Variants in ADGRF1 observed in about 807,000 individuals in gnomAD.
ADGRF1 encodes the protein adhesion G protein-coupled receptor F1.
ADGRF1 carries 85 observed loss-of-function variants against 87.2 expected under a neutral mutation model. The observed-to-expected ratio is 0.97, with a 90% CI of 0.82 to 1.17. The LOEUF (loss-of-function observed/expected upper bound fraction) is 1.17. Among genes scored for constraint, ADGRF1 ranks in the 50% most tolerant of loss-of-function variants. ADGRF1 has a pLI of 0.00. For missense variants in ADGRF1, 1,169 were observed against 1,077.2 expected (o/e 1.09, Z -1.19); for synonymous variants, 430 against 408.8 (o/e 1.05, Z -0.63).
chr6:47,026,048 G>C (rs1780222746), intron 3 of ADGRF1, 45 bp from the exon 4 acceptor site: 1 of 1,492,950 alleles, frequency 6.7e-7, no homozygotes, highest in Non-Finnish European at 9.0e-7. Context: ...CTGTCCTTGG[G>C]GAAAATATTG....
Position 47,010,065 on chromosome 6 carries a change from G to C in ADGRF1, c.1370C>G (p.Ser457Cys). The C allele has an allele frequency of 6.2e-7, 1 of 1,614,148 alleles. No homozygotes were observed. The highest frequency in any genetic ancestry group is 8.5e-7 in the Non-Finnish European group (1 of 1,180,024). The change falls in exon 11 of 15, where the codon TCT becomes TGT. Residue 457 changes from serine (S) to cysteine (C), a missense_variant. Coordinates refer to ENST00000371253, the MANE Select transcript of ADGRF1 (RefSeq NM_153840.4). ...TAACACACGGCCTCTGATGGGAATA[G>C]ATGTATTTTGGGGACACATTTTAAT... ...YQIKMCPQNT[S>C]IPIRGRVLIG...
chr6:47,041,909 G>T (rs1410505981), intron 1 of ADGRF1, among the ~76,000 whole-genome samples: 1 of 152,140 alleles, frequency 6.6e-6, no homozygotes, highest in East Asian at 1.9e-4. Flanking sequence ...AGAACAATGG[G>T]GTTCCTGTGT....
intron 8 of ADGRF1, among the ~76,000 whole-genome samples, chr6:47,015,860 A>C (rs1779859604): frequency 1.3e-5 from 2 of 151,770 alleles, no homozygotes; most frequent in South Asian, 4.2e-4. Flanking sequence ...GGCCTCCCAA[A>C]GTTTTGGGAT....
chr6:47,022,690 G>A (rs1024365849), intron 5 of ADGRF1, among the ~76,000 whole-genome samples: 4 of 151,956 alleles, frequency 2.6e-5, no homozygotes, highest in African/African-American at 9.7e-5. Flanking sequence ...ACATCTCCAC[G>A]GTACTGTGGG....
chr6:47,022,804 C>CTTTTTTTTTTTTTTTTTTTTTTTT (rs11286179), intron 5 of ADGRF1, among the ~76,000 whole-genome samples: 1 of 119,278 alleles, frequency 8.4e-6, no homozygotes, highest in Non-Finnish European at 1.7e-5. Flanking sequence ...TTTCTTTTTT[C>CTTTTTTTTTTTTTTTTTTTTTTTT]TTTTTTTTTT....
chr6:47,016,705 T>C lies in ADGRF1; in HGVS notation c.675A>G (p.Ser225=), dbSNP rs375012096. Residue 225 remains serine (S), a synonymous_variant, in exon 8 of 15, where the codon TCA becomes TCG. Coordinates refer to ENST00000371253, the MANE Select transcript of ADGRF1 (RefSeq NM_153840.4). ...CCTTCTCGGCAACATGTTCAATGGC[T>C]GACAGCAGTTCAGATGCACTGCTGG... ...VGSSSASELL[S]AIEHVAEKAK... 6 of 1,612,710 alleles carry C rather than the reference T, an allele frequency of 3.7e-6. No individual in the cohort carries two copies. The highest frequency in any genetic ancestry group is 5.1e-6 in the Non-Finnish European group (6 of 1,178,882).
chr6:47,032,159 G>A (rs547030718), intron 1 of ADGRF1, among the ~76,000 whole-genome samples: 65 of 152,072 alleles, frequency 4.3e-4, no homozygotes, highest in African/African-American at 1.4e-3. Flanking sequence ...CCTCCACTCC[G>A]CCCCCTCCTC....
At position 47,024,112 on chromosome 6, in the gene ADGRF1, C is replaced by A; in HGVS notation, c.383G>T (p.Gly128Val). The A allele has an allele frequency of 6.2e-7, 1 of 1,614,078 alleles. No homozygotes were observed. The highest frequency in any genetic ancestry group is 8.5e-7 in the Non-Finnish European group (1 of 1,179,992). Residue 128 changes from glycine to valine, a missense_variant, in exon 5 of 15, where the codon GGA becomes GTA. By Grantham distance (109) the Gly-to-Val change is moderately radical. Transcript: ENST00000371253. ...DPQNCYLHTA[G>V]ALPSCECHLN... ...ATGACATTCACAGCTTGGGAGTGCT[C>A]CAGCCGTGTGAAGGTAGCAGTTCTG...
At chr6:47,016,036 C>A (rs1460630488) in intron 8 of ADGRF1, among the ~76,000 whole-genome samples, 2 of 152,076 alleles carry the variant, frequency 1.3e-5, no homozygotes, top group African/African-American at 2.4e-5. Flanking sequence ...CTGCACCCAG[C>A]CAGAGCTAAG....
intron 13 of ADGRF1, among the ~76,000 whole-genome samples, chr6:47,004,042 C>G (rs1779439970): frequency 6.6e-6 from 1 of 152,154 alleles, no homozygotes; most frequent in Admixed American, 6.5e-5. Flanking sequence ...TCCTCAGTCT[C>G]TCTCTTATTT....
intron 1 of ADGRF1, among the ~76,000 whole-genome samples, chr6:47,031,407 A>G (rs1290270581): frequency 6.7e-6 from 1 of 148,950 alleles, no homozygotes; most frequent in African/African-American, 2.5e-5. Context: ...TCTTCCTCAT[A>G]CATGTACTCC....
At chr6:47,027,554 C>G in intron 3 of ADGRF1, 150 bp downstream of exon 3, 1 of 594,338 alleles carries the variant, frequency 1.7e-6, no homozygotes, top group South Asian at 2.4e-5. Flanking sequence ...ACGTCTTGCT[C>G]ATAGGAATTA....
intron 3 of ADGRF1, among the ~76,000 whole-genome samples, chr6:47,026,420 C>T (rs1462382447): frequency 6.6e-6 from 1 of 151,928 alleles, no homozygotes; most frequent in Non-Finnish European, 1.5e-5. Context: ...GTATAAGACC[C>T]CTCAATCTCA....
rs564604453 is a variant in ADGRF1, at chr6:47,025,845, C to T, written c.277+9G>A. On this transcript the variant is annotated intron_variant, in intron 4 of 14. Transcript: ENST00000371253. Reference sequence around the variant, plus strand: ...CATTTATACATCCAGTCACCGAGAGCCACCTTACCTGTGGTAGCCTTTGCT... The same window carrying T: ...CATTTATACATCCAGTCACCGAGAGTCACCTTACCTGTGGTAGCCTTTGCT... The T allele has an allele frequency of 3.8e-6, 6 of 1,572,756 alleles. No individual in the cohort carries two copies. In the East Asian group the frequency reaches 1.4e-4, roughly 36 times the overall value.
At chr6:47,013,335 G>T in intron 9 of ADGRF1, 7 of 985,622 alleles carry the variant, frequency 7.1e-6, no homozygotes, top group Non-Finnish European at 8.4e-6. Context: ...AGAGCAAGAA[G>T]AAACCCCAGA....
chr6:47,009,817 T>A lies in ADGRF1; in HGVS notation c.1618A>T (p.Ser540Cys). Residue 540 changes from serine to cysteine, a missense_variant, in exon 11 of 15, where the codon AGT becomes TGT. By Grantham distance (112) the Ser-to-Cys change is moderately radical. Coordinates refer to ENST00000371253, the MANE Select transcript of ADGRF1 (RefSeq NM_153840.4). ...CCTGCATCGTTCCACTGCAAATGAC[T>A]GAAATCCCAAAACACACAATGAGGC... Reference protein sequence around the residue: ...SQPHCVFWDFSHLQWNDAGCH... With the variant: ...SQPHCVFWDFCHLQWNDAGCH... 1 of 1,614,122 alleles carries A rather than the reference T, an allele frequency of 6.2e-7. No individual in the cohort carries two copies. Among genetic ancestry groups the A allele is most frequent in the African/African-American group, 1.3e-5 (1 of 75,066 alleles).
chr6:47,014,538 A>T, intron 9 of ADGRF1, 143 bp downstream of exon 9: 1 of 1,440,888 alleles, frequency 6.9e-7, no homozygotes, highest in Non-Finnish European at 9.1e-7. Context: ...CGGGTTCACC[A>T]GGGTCTGATG....
At position 47,000,278 on chromosome 6, in the gene ADGRF1, G is replaced by A. The variant is rs771701265; in HGVS notation, c.2677C>T (p.His893Tyr). Reference protein sequence around the residue: ...LQNKGHYAFSHTGDSSDNIML... With the variant: ...LQNKGHYAFSYTGDSSDNIML... The stretch of plus-strand genomic sequence containing the variant: ...ATGTTGTCGGAGGAATCTCCAGTAT[G>A]AGAAAATGCATAATGGCCTGAAGGG... The change falls in exon 15 of 15, where the codon CAT becomes TAT. Residue 893 changes from histidine (H) to tyrosine (Y), a missense_variant. Coordinates refer to ENST00000371253, the MANE Select transcript of ADGRF1 (RefSeq NM_153840.4). 3.1e-6 allele frequency: 5 copies of A among 1,601,326 alleles called. No homozygotes were observed. Among genetic ancestry groups the A allele is most frequent in the East Asian group, 4.5e-5 (2 of 44,606 alleles).
At position 47,018,584 on chromosome 6, in the gene ADGRF1, T is replaced by A. The variant is rs1183475288; in HGVS notation, c.612-1816A>T. The A allele has an allele frequency of 3.9e-6, 5 of 1,289,466 alleles. No individual in the cohort carries two copies. In the Admixed American group the frequency reaches 1.1e-4, roughly 30 times the overall value. The allele number at this position is 1,289,466 out of a possible 1,614,324, so 79.9% of individuals were successfully genotyped here. ...AGGTTCCACAGGTGTATAACTGTCC[T>A]GTTTGACAGATAAGTAAATAGAGTG... On this transcript the variant is annotated intron_variant, in intron 7 of 14. Transcript: ENST00000371253.
Sources: gnomAD v4.1 joint callset for allele counts (sites outside exome capture counted in the v4.1 genomes callset) on GRCh38, gnomAD v4.1.1 for gene constraint, MANE v1.5 for transcripts, NCBI Gene and HGNC (gene_info 2026-07-23, HGNC 2026-07-21) for gene names.